The following SNRPF variants were observed in gnomAD, a reference collection of about 807,000 sequenced individuals.
SNRPF encodes small nuclear ribonucleoprotein polypeptide F.
Under a neutral mutation model 13.4 loss-of-function variants are expected in SNRPF, and 1 was observed. The observed-to-expected ratio is 0.07, with a 90% CI of 0.03 to 0.35. The LOEUF (loss-of-function observed/expected upper bound fraction) is 0.35, where lower values mean the gene tolerates loss of function less well. Ranked by LOEUF, SNRPF falls within the 10% of genes least tolerant of loss-of-function variation. SNRPF has a pLI of 0.99. For missense variants in SNRPF, 53 were observed against 101.0 expected (o/e 0.52, Z 2.04); for synonymous variants, 27 against 32.1 (o/e 0.84, Z 0.54).
intron 1 of SNRPF, 108 bp from the exon 2 acceptor site, chr12:95,861,060 C>T: frequency 2.0e-6 from 2 of 992,592 alleles, no homozygotes; most frequent in Non-Finnish European, 2.9e-6. Flanking sequence ...AATAAGGAGT[C>T]AAAAGTTTTC....
chr12:95,862,252 A>C (rs2079499704), intron 2 of SNRPF, among the ~76,000 whole-genome samples: 1 of 152,102 alleles, frequency 6.6e-6, no homozygotes, highest in African/African-American at 2.4e-5. Context: ...ACCACATTCT[A>C]ATCCATTTGC....
rs1045789382 is a variant in SNRPF, at chr12:95,859,080, AGGAGAAAGAGAACGGCGGGAGAAGCGG to A, written c.3+17_3+43del. ...ACATTCGGCCGTGGTTACGATGGTA[AGGAGAAAGAGAACGGCGGGAGAAGCGG>A]GGAGAAAGAGAAGGAGGGAGACCAG... On this transcript the variant is annotated splice_donor_5th_base_variant and intron_variant, in intron 1 of 3. Transcript: ENST00000266735. 7 of 1,612,646 alleles carry A rather than the reference AGGAGAAAGAGAACGGCGGGAGAAGCGG, an allele frequency of 4.3e-6. No homozygotes were observed. Among genetic ancestry groups the A allele is most frequent in the Admixed American group, 1.7e-5 (1 of 59,942 alleles).
chr12:95,861,185 C>A lies in SNRPF; in HGVS notation c.21C>A (p.Pro7=). 6.2e-7 allele frequency: 1 copy of A among 1,611,700 alleles called. No individual in the cohort carries two copies. Among genetic ancestry groups the A allele is most frequent in the South Asian group, 1.1e-5 (1 of 90,910 alleles). ...TTGTGCAGAGTTTACCCCTCAATCC[C>A]AAACCTTTCCTCAATGGACTAACAG... MSLPLN[P]KPFLNGLTGK... The change falls in exon 2 of 4, where the codon CCC becomes CCA. Residue 7 remains proline, a synonymous_variant. Coordinates refer to ENST00000266735, the MANE Select transcript of SNRPF (RefSeq NM_003095.5).
intron 1 of SNRPF, among the ~76,000 whole-genome samples, chr12:95,859,344 A>T (rs571913070): frequency 6.6e-6 from 1 of 152,336 alleles, no homozygotes; most frequent in South Asian, 2.1e-4. Context: ...GGGTCGGGGT[A>T]AAAGTCAAAG....
chr12:95,864,920 GA>G (rs1221996303), intron 2 of SNRPF, among the ~76,000 whole-genome samples: 1 of 152,138 alleles, frequency 6.6e-6, no homozygotes, highest in African/African-American at 2.4e-5. Flanking sequence ...AGGAAAAGAA[GA>G]AAATTCTTAC....
intron 3 of SNRPF, 27 bp downstream of exon 3, chr12:95,865,415 G>T (rs368082461): frequency 3.9e-5 from 43 of 1,107,600 alleles, no homozygotes; most frequent in Non-Finnish European, 5.8e-5. Flanking sequence ...GTATATGTAA[G>T]GAGTTACTGG....
rs750364978 is a variant in SNRPF, at chr12:95,859,088, G to A, written c.3+12G>A. On this transcript the variant is annotated intron_variant, in intron 1 of 3. Coordinates refer to ENST00000266735, the MANE Select transcript of SNRPF (RefSeq NM_003095.5). ...CCGTGGTTACGATGGTAAGGAGAAA[G>A]AGAACGGCGGGAGAAGCGGGGAGAA... The A allele has an allele frequency of 5.0e-6, 8 of 1,611,306 alleles. No individual in the cohort carries two copies. The Admixed American group carries it at 1.3e-4, about 27-fold the overall frequency.
intron 1 of SNRPF, among the ~76,000 whole-genome samples, chr12:95,860,327 C>T (rs2079489335): frequency 1.3e-5 from 2 of 152,210 alleles, no homozygotes; most frequent in Admixed American, 6.5e-5. Context: ...CCTCCTTTTA[C>T]ATAAGTAGCT....
At chr12:95,859,485 G>C (rs954596705) in intron 1 of SNRPF, among the ~76,000 whole-genome samples, 1 of 152,232 alleles carries the variant, frequency 6.6e-6, no homozygotes, top group Non-Finnish European at 1.5e-5. Context: ...TAACAAGTAT[G>C]TAATTGCAAA....
At chr12:95,864,088 G>C (rs17369879) in intron 2 of SNRPF, among the ~76,000 whole-genome samples, 19,932 of 152,198 alleles carry the variant, frequency 0.13, 1,778 homozygotes, top group Non-Finnish European at 0.19. Context: ...CATACAAACT[G>C]TCTCAACAAC....
At chr12:95,865,635 TCTTTTGCAGTGGCAAC>T (rs1380547676) in intron 3 of SNRPF, among the ~76,000 whole-genome samples, 3 of 152,228 alleles carry the variant, frequency 2.0e-5, no homozygotes, top group Non-Finnish European at 2.9e-5. Flanking sequence ...TTAGCTATAA[TCTTTTGCAGTGGCAAC>T]CTTTTGCAGT....
At chr12:95,864,322 TTC>T (rs2079511381) in intron 2 of SNRPF, among the ~76,000 whole-genome samples, 1 of 152,246 alleles carries the variant, frequency 6.6e-6, no homozygotes. Context: ...CCTTAGTTCC[TTC>T]TCTGAGTCCC....
intron 2 of SNRPF, among the ~76,000 whole-genome samples, chr12:95,862,896 T>C (rs1461314968): frequency 1.3e-5 from 2 of 152,240 alleles, no homozygotes; most frequent in Non-Finnish European, 2.9e-5. Flanking sequence ...GATTTGCATT[T>C]GGCTAATGAT....
chr12:95,859,166 C>A, intron 1 of SNRPF, 90 bp downstream of exon 1: 1 of 1,190,312 alleles, frequency 8.4e-7, no homozygotes, highest in Non-Finnish European at 1.2e-6. Flanking sequence ...TCGCGCGTTT[C>A]CCATTCATCC....
intron 1 of SNRPF, among the ~76,000 whole-genome samples, chr12:95,859,509 G>A (rs569239328): frequency 8.5e-5 from 13 of 152,302 alleles, no homozygotes; most frequent in Non-Finnish European, 1.6e-4. Context: ...TAAGTGCTAA[G>A]AACAATGCAG....
rs202161777 is a variant in SNRPF at position 95,859,029 on chromosome 12, G to T, written c.-45G>T. 1.2e-6 allele frequency: 2 copies of T among 1,610,410 alleles called. No homozygotes were observed. Among genetic ancestry groups the T allele is most frequent in the Non-Finnish European group, 1.7e-6 (2 of 1,179,008 alleles). ...CTGTAGTCACGAGGGACGGGCGGCG[G>T]CCTGGTCGGCAGAGAGTAGCCTGCA... On this transcript the variant is annotated 5_prime_UTR_variant, in exon 1 of 4. Coordinates refer to ENST00000266735, the MANE Select transcript of SNRPF (RefSeq NM_003095.5).
At position 95,861,159 on chromosome 12, in the gene SNRPF, TTTG is replaced by T; in HGVS notation, c.4-7_4-5del. 6.2e-7 allele frequency: 1 copy of T among 1,600,772 alleles called. No individual in the cohort carries two copies. The highest frequency in any genetic ancestry group is 8.5e-7 in the Non-Finnish European group (1 of 1,174,992). ...TAATTAATTAGATCCTTTTTTGTTCTTTGTGCAGAGTTTACCCCTCAATCCCAA... is the reference window on the plus strand; with the variant it reads ...TAATTAATTAGATCCTTTTTTGTTCTTGCAGAGTTTACCCCTCAATCCCAA... On this transcript the variant is annotated splice_polypyrimidine_tract_variant and splice_region_variant and intron_variant, in intron 1 of 3. Transcript: ENST00000266735.
Position 95,859,120 on chromosome 12 carries a change from G to A in SNRPF, c.3+44G>A, listed in dbSNP as rs1049232305. 3 of 1,556,664 alleles carry A rather than the reference G, an allele frequency of 1.9e-6. No homozygotes were observed. The African/African-American group carries it at 4.1e-5, about 21-fold the overall frequency. ...GCGGGAGAAGCGGGGAGAAAGAGAA[G>A]GAGGGAGACCAGCCTCGCGGGGCCT... On this transcript the variant is annotated intron_variant, in intron 1 of 3. Transcript: ENST00000266735.
chr12:95,860,734 A>G (rs540816488), intron 1 of SNRPF, among the ~76,000 whole-genome samples: 11 of 151,638 alleles, frequency 7.3e-5, no homozygotes, highest in African/African-American at 2.4e-4. Flanking sequence ...TTTTTGGTAG[A>G]GATGGGGGTC....
Sources: gnomAD v4.1 joint callset for allele counts (sites outside exome capture counted in the v4.1 genomes callset) on GRCh38, gnomAD v4.1.1 for gene constraint, MANE v1.5 for transcripts, NCBI Gene and HGNC (gene_info 2026-07-23, HGNC 2026-07-21) for gene names.